The following CLEC1A variants were observed in gnomAD, a reference collection of about 807,000 sequenced individuals.
CLEC1A encodes C-type lectin-like receptor-1.
In CLEC1A, 34 loss-of-function variants were observed where a neutral mutation model predicts 28.7. The ratio of observed to expected loss-of-function variants is 1.18; its 90% confidence interval spans 0.90 to 1.57. CLEC1A has a LOEUF of 1.57. Among genes scored for constraint, CLEC1A ranks in the 40% most tolerant of loss-of-function variants. The pLI, the probability that CLEC1A is intolerant of heterozygous loss-of-function variation, is 0.00. For synonymous variants in CLEC1A, 116 were observed against 121.0 expected (o/e 0.96, Z 0.27); for missense variants, 385 against 339.5 (o/e 1.13, Z -1.05).
rs772343237 is a variant in CLEC1A, at chr12:10,089,135, A to C, written c.203T>G (p.Leu68Arg). The C allele has an allele frequency of 1.2e-6, 2 of 1,613,650 alleles. No individual in the cohort carries two copies. Among genetic ancestry groups the C allele is most frequent in the South Asian group, 2.2e-5 (2 of 91,072 alleles). ...GAGCGCAGACTTACACAAAAGCCCCAGGGCTGCCAGCCCTATCAGCAGCAC... is the reference window on the plus strand; with the variant it reads ...GAGCGCAGACTTACACAAAAGCCCCCGGGCTGCCAGCCCTATCAGCAGCAC... ...CLVLLIGLAA[L>R]GLLFFQYYQL... Residue 68 changes from leucine to arginine, a missense_variant, in exon 2 of 6, where the codon CTG (leucine) becomes CGG (arginine). Transcript: ENST00000315330.
intron 3 of CLEC1A, 91 bp from the exon 4 acceptor site, chr12:10,075,746 G>C: frequency 9.1e-7 from 1 of 1,102,994 alleles, no homozygotes. Flanking sequence ...TCCTAAGAAA[G>C]AATTAACTCT....
intron 3 of CLEC1A, among the ~76,000 whole-genome samples, chr12:10,080,304 C>T (rs1160085976): frequency 6.6e-6 from 1 of 152,100 alleles, no homozygotes; most frequent in Non-Finnish European, 1.5e-5. Context: ...CAGAGTGAGA[C>T]TCCATCTCCC....
At position 10,070,352 on chromosome 12, in the gene CLEC1A, T is replaced by C. The variant is rs1268801505; in HGVS notation, c.*981A>G. On this transcript the variant is annotated 3_prime_UTR_variant, in exon 6 of 6. Transcript: ENST00000315330. ...TTTCTCCAGATAATCATGTAATCAG[T>C]ACTCTTGTAAATTCCCCAAAAACTT... 1.3e-5 allele frequency: 2 copies of C among 152,234 alleles called. No homozygotes were observed. Among genetic ancestry groups the C allele is most frequent in the East Asian group, 3.8e-4 (2 of 5,198 alleles). The allele number at this position is 152,234 out of a possible 1,614,324, so 9.4% of individuals were successfully genotyped here.
intron 3 of CLEC1A, 40 bp from the exon 4 acceptor site, chr12:10,075,695 G>A: frequency 1.3e-6 from 2 of 1,587,788 alleles, no homozygotes; most frequent in East Asian, 2.2e-5. Context: ...TTCTGCATGA[G>A]TCTGTCTTGC....
chr12:10,081,294 C>A lies in CLEC1A; in HGVS notation c.334G>T (p.Gly112Ter). 1.2e-6 allele frequency: 2 copies of A among 1,612,956 alleles called. No individual in the cohort carries two copies. Among genetic ancestry groups the A allele is most frequent in the Non-Finnish European group, 1.7e-6 (2 of 1,179,488 alleles). Residue 112 changes from glycine to a stop codon, truncating the protein, a stop_gained, in exon 3 of 6, where the codon GGA becomes TGA. Transcript: ENST00000315330. LOFTEE classifies it high-confidence loss of function. ...TTTTCAGCCACATGCTGCAGACTTCCTGCAAGCTTTATATTCTGGACTTGA... is the reference window on the plus strand; with the variant it reads ...TTTTCAGCCACATGCTGCAGACTTCATGCAAGCTTTATATTCTGGACTTGA... The part of the protein sequence containing the change: ...SLQVQNIKLA[G>*]SLQHVAEKLC...
In CLEC1A at chr12:10,090,425, T is replaced by C. The variant is rs143074780; in HGVS notation, c.116-1203A>G. On this transcript the variant is annotated intron_variant, in intron 1 of 5. Transcript: ENST00000315330. ...GCCACCACGCCTGGCTAATTTTTTT[T>C]TCCTATATTTTTGTTGGAGATGAGG... Among the ~76,000 whole-genome samples, 738 of 152,246 alleles carry C rather than the reference T, an allele frequency of 4.8e-3. 5 individuals carry two copies. Among genetic ancestry groups the C allele is most frequent in the African/African-American group, 0.017 (693 of 41,560 alleles).
intron 2 of CLEC1A, among the ~76,000 whole-genome samples, chr12:10,087,475 TA>T: frequency 1.4e-3 from 2 of 1,412 alleles, no homozygotes; most frequent in African/African-American, 2.7e-3. Flanking sequence ...CTCAAAGTTA[TA>T]TATATATATA....
intron 5 of CLEC1A, among the ~76,000 whole-genome samples, chr12:10,071,831 A>C (rs16909966): frequency 0.062 from 9,517 of 152,326 alleles, 386 homozygotes; most frequent in South Asian, 0.095. Context: ...ACTGTAAAAT[A>C]CAAATGATTA....
At chr12:10,076,604 TG>T (rs1866256442) in intron 3 of CLEC1A, among the ~76,000 whole-genome samples, 1 of 152,166 alleles carries the variant, frequency 6.6e-6, no homozygotes, top group Non-Finnish European at 1.5e-5. Flanking sequence ...CCAGGAGAAA[TG>T]TAACAACCTG....
chr12:10,078,912 G>GA (rs749735912), intron 3 of CLEC1A, among the ~76,000 whole-genome samples: 4 of 152,126 alleles, frequency 2.6e-5, no homozygotes, highest in Non-Finnish European at 5.9e-5. Flanking sequence ...TTGCCTCCTG[G>GA]ACTCTTGTCA....
chr12:10,092,419 C>A, intron 1 of CLEC1A: 1 of 386,770 alleles, frequency 2.6e-6, no homozygotes, highest in Non-Finnish European at 5.1e-6. Flanking sequence ...TGGTGGCACA[C>A]ACCTGTAGTC....
At chr12:10,093,859 T>C (rs11053576) in intron 1 of CLEC1A, among the ~76,000 whole-genome samples, 10,366 of 152,184 alleles carry the variant, frequency 0.068, 1,207 homozygotes, top group African/African-American at 0.24. Context: ...TCCTCACATA[T>C]GGCACATAGG....
chr12:10,096,750 C>T (rs1463137040), intron 1 of CLEC1A, among the ~76,000 whole-genome samples: 6 of 152,106 alleles, frequency 3.9e-5, no homozygotes, highest in African/African-American at 1.4e-4. Context: ...TCATGACTTT[C>T]CCTTCATACG....
At chr12:10,082,223 A>G (rs1435537951) in intron 2 of CLEC1A, among the ~76,000 whole-genome samples, 1 of 152,076 alleles carries the variant, frequency 6.6e-6, no homozygotes, top group Non-Finnish European at 1.5e-5. Context: ...ATGGTGTGGG[A>G]AGGTGGGGAG....
chr12:10,079,828 AAT>A (rs1355330027), intron 3 of CLEC1A, among the ~76,000 whole-genome samples: 7 of 152,060 alleles, frequency 4.6e-5, no homozygotes, highest in African/African-American at 1.7e-4. Context: ...TAAAAAAAAA[AAT>A]TAAAAATAAA....
In CLEC1A at chr12:10,075,489, G is replaced by A. The variant is rs1866230800; in HGVS notation, c.543+15C>T. 1 of 1,612,086 alleles carries A rather than the reference G, an allele frequency of 6.2e-7. No individual in the cohort carries two copies. Among genetic ancestry groups the A allele is most frequent in the East Asian group, 2.2e-5 (1 of 44,858 alleles). ...TTTGAAATCCTTCAAACATTGAAAA[G>A]CCTCAGAATCTTACCAGGTCTTCTT... On this transcript the variant is annotated intron_variant, in intron 4 of 5. Coordinates refer to ENST00000315330, the MANE Select transcript of CLEC1A (RefSeq NM_016511.4).
At chr12:10,085,242 C>CACACAA (rs1491264787) in intron 2 of CLEC1A, among the ~76,000 whole-genome samples, 10 of 129,420 alleles carry the variant, frequency 7.7e-5, no homozygotes, top group Non-Finnish European at 1.6e-4. Context: ...CACACACACA[C>CACACAA]AATAAAACAA....
At chr12:10,073,460 C>A in intron 4 of CLEC1A, 49 bp from the exon 5 acceptor site, 1 of 1,426,266 alleles carries the variant, frequency 7.0e-7, no homozygotes, top group Non-Finnish European at 9.9e-7. Context: ...CATGATTACT[C>A]ACATGTACAG....
At chr12:10,088,274 A>G (rs1349172254) in intron 2 of CLEC1A, among the ~76,000 whole-genome samples, 1 of 152,222 alleles carries the variant, frequency 6.6e-6, no homozygotes, top group Non-Finnish European at 1.5e-5. Context: ...CAATAGTTCT[A>G]TCACAATGAA....
Sources: gnomAD v4.1 joint callset for allele counts (sites outside exome capture counted in the v4.1 genomes callset) on GRCh38, gnomAD v4.1.1 for gene constraint, MANE v1.5 for transcripts, NCBI Gene and HGNC (gene_info 2026-07-23, HGNC 2026-07-21) for gene names.